The following ENTREP2 variants were observed in gnomAD, a reference collection of about 807,000 sequenced individuals.
ENTREP2 encodes endosomal transmembrane epsin interactor 2, also known as protein ENTREP2.
chr15:29,263,285 A>C, the ENTREP2 span, among the ~76,000 whole-genome samples: 1 of 152,268 alleles, frequency 6.6e-6, no homozygotes, highest in African/African-American at 2.4e-5. Flanking sequence ...TCTTCTGATA[A>C]CAGGGCAAAA....
the ENTREP2 span, among the ~76,000 whole-genome samples, chr15:29,488,162 G>C: frequency 3.5e-4 from 53 of 152,222 alleles, no homozygotes; most frequent in African/African-American, 1.2e-3. Flanking sequence ...GGAAAGAAAG[G>C]AAAAGGAGCT....
At chr15:29,611,794 T>A in the ENTREP2 span, among the ~76,000 whole-genome samples, 1 of 152,230 alleles carries the variant, frequency 6.6e-6, no homozygotes, top group Non-Finnish European at 1.5e-5. Context: ...CTTCATGCCC[T>A]TCTCTGGTAC....
chr15:29,409,671 C>T, the ENTREP2 span, among the ~76,000 whole-genome samples: 1 of 151,496 alleles, frequency 6.6e-6, no homozygotes. Context: ...CCGTGTTACC[C>T]AGGCTGGTCT....
At chr15:29,429,189 C>CCA in the ENTREP2 span, among the ~76,000 whole-genome samples, 1 of 128,314 alleles carries the variant, frequency 7.8e-6, no homozygotes, top group Admixed American at 8.7e-5. Flanking sequence ...AGATGTCTAT[C>CCA]TATCCATCCA....
chr15:29,346,893 C>T, the ENTREP2 span, among the ~76,000 whole-genome samples: 1 of 152,204 alleles, frequency 6.6e-6, no homozygotes, highest in Non-Finnish European at 1.5e-5. Context: ...TAAATGAAAG[C>T]TCTGATCAAA....
chr15:29,662,499 T>C, the ENTREP2 span, among the ~76,000 whole-genome samples: 1 of 152,170 alleles, frequency 6.6e-6, no homozygotes, highest in Non-Finnish European at 1.5e-5. Context: ...CCCTCCTTTG[T>C]ATGGTCTTTG....
chr15:29,516,091 G>A, the ENTREP2 span, among the ~76,000 whole-genome samples: 1 of 152,082 alleles, frequency 6.6e-6, no homozygotes, highest in African/African-American at 2.4e-5. Context: ...TTCCTGGAGA[G>A]ATTTTTTTTT....
At chr15:29,240,089 A>T in the ENTREP2 span, among the ~76,000 whole-genome samples, 1 of 152,238 alleles carries the variant, frequency 6.6e-6, no homozygotes, top group Non-Finnish European at 1.5e-5. Context: ...TTGGCTGGAC[A>T]TGGTGGCTCA....
At chr15:29,151,974 G>T in the ENTREP2 span, 4 of 689,606 alleles carry the variant, frequency 5.8e-6, no homozygotes, top group Non-Finnish European at 1.0e-5. Context: ...TTTTGTGTGT[G>T]TCTGTGTTTT....
chr15:29,481,115 G>C, the ENTREP2 span, among the ~76,000 whole-genome samples: 2 of 152,218 alleles, frequency 1.3e-5, no homozygotes, highest in Non-Finnish European at 2.9e-5. Flanking sequence ...CTCACCCCCA[G>C]TGACATCAGA....
At chr15:29,657,215 C>T in the ENTREP2 span, among the ~76,000 whole-genome samples, 2 of 146,568 alleles carry the variant, frequency 1.4e-5, no homozygotes, top group African/African-American at 2.5e-5. Flanking sequence ...GCCGCGCCAG[C>T]TTTTTTTTTT....
chr15:29,503,402 A>G, the ENTREP2 span, among the ~76,000 whole-genome samples: 2 of 152,188 alleles, frequency 1.3e-5, no homozygotes, highest in Non-Finnish European at 2.9e-5. Flanking sequence ...TCATAGAAAC[A>G]GATAGTAGAT....
chr15:29,268,247 T>C, the ENTREP2 span: 1 of 152,268 alleles, frequency 6.6e-6, no homozygotes, highest in East Asian at 1.9e-4. Context: ...GCTGAATAAT[T>C]ATGAATATAA....
At chr15:29,431,942 T>G in the ENTREP2 span, among the ~76,000 whole-genome samples, 2 of 152,162 alleles carry the variant, frequency 1.3e-5, no homozygotes, top group Non-Finnish European at 2.9e-5. Context: ...CGCCGTGGCA[T>G]TTGCATTCCC....
the ENTREP2 span, among the ~76,000 whole-genome samples, chr15:29,520,940 T>C: frequency 6.6e-6 from 1 of 152,182 alleles, no homozygotes; most frequent in East Asian, 1.9e-4. Context: ...GAAGATATAA[T>C]GTATTCATAG....
chr15:29,340,177 G>GC, the ENTREP2 span, among the ~76,000 whole-genome samples: 1 of 152,164 alleles, frequency 6.6e-6, no homozygotes, highest in African/African-American at 2.4e-5. Flanking sequence ...CCATAATTCT[G>GC]CAACTTTGCC....
chr15:29,200,261 C>T, the ENTREP2 span, among the ~76,000 whole-genome samples: 24 of 151,996 alleles, frequency 1.6e-4, no homozygotes, highest in East Asian at 3.7e-3. Flanking sequence ...CTGCAACCTC[C>T]GCCTCCCGGG....
chr15:29,222,906 C>CA, the ENTREP2 span, among the ~76,000 whole-genome samples: 1 of 152,164 alleles, frequency 6.6e-6, no homozygotes, highest in South Asian at 2.1e-4. Context: ...GTCTCTAATC[C>CA]AGCAGAATAG....
At chr15:29,241,404 A>G in the ENTREP2 span, among the ~76,000 whole-genome samples, 90 of 151,048 alleles carry the variant, frequency 6.0e-4, no homozygotes, top group African/African-American at 2.1e-3. Context: ...CTGTGTACAT[A>G]TACATGTACA....
Sources: allele counts gnomAD v4.1 joint callset (sites outside exome capture counted in the v4.1 genomes callset), GRCh38; gene constraint gnomAD v4.1.1; transcripts MANE v1.5; gene names NCBI Gene and HGNC (gene_info 2026-07-23, HGNC 2026-07-21).